The following TBCA variants were observed in gnomAD, a reference collection of about 807,000 sequenced individuals.
The protein encoded by TBCA is tubulin folding cofactor A, also known as tubulin-specific chaperone A.
Under a neutral mutation model 15.8 loss-of-function variants are expected in TBCA, and 6 were observed. The ratio of observed to expected loss-of-function variants is 0.38; its 90% CI spans 0.21 to 0.75. The LOEUF (loss-of-function observed/expected upper bound fraction) is 0.75, where lower values mean the gene tolerates loss of function less well. Among genes scored for constraint, TBCA ranks in the 30% least tolerant of loss-of-function variants. The probability of loss-of-function intolerance (pLI) is 0.46; values close to 1 mark genes in which losing one functional copy is unlikely to be tolerated. For synonymous variants in TBCA, 32 were observed against 42.3 expected (o/e 0.76, Z 0.94); for missense variants, 90 against 131.2 (o/e 0.69, Z 1.53).
intron 2 of TBCA, among the ~76,000 whole-genome samples, chr5:77,700,318 T>C (rs1188855450): frequency 6.6e-6 from 1 of 152,046 alleles, no homozygotes; most frequent in East Asian, 1.9e-4. Context: ...ACAAAGGGCA[T>C]GTGTCTAGTA....
chr5:77,727,272 G>A (rs1746650466), intron 1 of TBCA, among the ~76,000 whole-genome samples: 1 of 150,026 alleles, frequency 6.7e-6, no homozygotes, highest in South Asian at 2.1e-4. Flanking sequence ...GAATAGTGCT[G>A]GAGGAGCCAC....
At chr5:77,765,868 G>T (rs1001044108) in intron 1 of TBCA, among the ~76,000 whole-genome samples, 14 of 107,904 alleles carry the variant, frequency 1.3e-4, no homozygotes, top group Admixed American at 1.1e-3. Context: ...TTGTACAAGT[G>T]AAAAACTAGG....
rs532046849 is a variant in TBCA, at chr5:77,741,565, T to G, written c.54-33218A>C. Among the ~76,000 whole-genome samples, 4 of 151,928 alleles carry G rather than the reference T, an allele frequency of 2.6e-5. No homozygotes were observed. The East Asian group carries it at 7.7e-4, about 29-fold the overall frequency. ...AGAAGTAACAGCAAAAGAAAAAAAA[T>G]AGATTTTTTTAAAAAAGTAATGATT... On this transcript the variant is annotated intron_variant, in intron 1 of 3. Coordinates refer to ENST00000380377, the MANE Select transcript of TBCA (RefSeq NM_004607.3).
intron 1 of TBCA, among the ~76,000 whole-genome samples, chr5:77,717,410 TGAA>T (rs1218759539): frequency 6.6e-6 from 1 of 151,900 alleles, no homozygotes; most frequent in African/African-American, 2.4e-5. Context: ...CAAATAAACA[TGAA>T]GAAAGTAAGA....
At chr5:77,710,683 C>T (rs111372820) in intron 1 of TBCA, among the ~76,000 whole-genome samples, 2 of 152,262 alleles carry the variant, frequency 1.3e-5, no homozygotes, top group African/African-American at 2.4e-5. Flanking sequence ...GCTGTTGTCT[C>T]CTATAGATGG....
intron 1 of TBCA, among the ~76,000 whole-genome samples, chr5:77,717,366 G>A (rs959841825): frequency 1.3e-5 from 2 of 152,112 alleles, no homozygotes; most frequent in Admixed American, 1.3e-4. Context: ...AAATCATTTA[G>A]AAATTGAAGT....
At chr5:77,768,849 C>T (rs1391008634) in intron 1 of TBCA, among the ~76,000 whole-genome samples, 1 of 152,172 alleles carries the variant, frequency 6.6e-6, no homozygotes, top group Non-Finnish European at 1.5e-5. Flanking sequence ...CACATCTAAG[C>T]ATTTACTGTC....
chr5:77,724,806 G>T (rs914289320), intron 1 of TBCA, among the ~76,000 whole-genome samples: 3 of 152,084 alleles, frequency 2.0e-5, no homozygotes, highest in Non-Finnish European at 4.4e-5. Context: ...ATACACTTCA[G>T]GAAACGTGTA....
Position 77,714,627 on chromosome 5 carries a change from C to T in TBCA, c.54-6280G>A, listed in dbSNP as rs1425748275. Among the ~76,000 whole-genome samples the T allele has an allele frequency of 4.7e-5, 7 of 150,390 alleles. No homozygotes were observed. In the East Asian group the frequency reaches 7.9e-4, roughly 17 times the overall value. ...TGTCGCCCAAGCTGGAGTGCAGTGG[C>T]GCAATCTCAGCCTACTGCAAGCTCC... is the stretch of plus-strand genomic sequence containing the variant. On this transcript the variant is annotated intron_variant, in intron 1 of 3. Coordinates refer to ENST00000380377, the MANE Select transcript of TBCA (RefSeq NM_004607.3).
chr5:77,714,650 T>G (rs1361670476), intron 1 of TBCA, among the ~76,000 whole-genome samples: 1 of 151,674 alleles, frequency 6.6e-6, no homozygotes, highest in Non-Finnish European at 1.5e-5. Context: ...TACTGCAAGC[T>G]CCGCCTCCCA....
chr5:77,715,816 C>A (rs1219267189), intron 1 of TBCA, among the ~76,000 whole-genome samples: 2 of 152,114 alleles, frequency 1.3e-5, no homozygotes, highest in Admixed American at 1.3e-4. Context: ...AAAATTATAC[C>A]AACACCTGTG....
At chr5:77,720,760 A>G (rs890766291) in intron 1 of TBCA, among the ~76,000 whole-genome samples, 1 of 152,190 alleles carries the variant, frequency 6.6e-6, no homozygotes, top group Non-Finnish European at 1.5e-5. Flanking sequence ...AGATGCGTTA[A>G]AAGAAGTGGA....
At chr5:77,754,419 T>C (rs1015224912) in intron 1 of TBCA, among the ~76,000 whole-genome samples, 2 of 152,220 alleles carry the variant, frequency 1.3e-5, no homozygotes, top group South Asian at 2.1e-4. Context: ...GTTTTTTAAA[T>C]TGAAAAATAT....
intron 1 of TBCA, among the ~76,000 whole-genome samples, chr5:77,715,982 G>C (rs1467805573): frequency 6.6e-6 from 1 of 152,106 alleles, no homozygotes; most frequent in Non-Finnish European, 1.5e-5. Flanking sequence ...GATTTGTGTT[G>C]TGTGAGGGAT....
intron 1 of TBCA, among the ~76,000 whole-genome samples, chr5:77,761,585 T>C (rs1747641383): frequency 6.6e-6 from 1 of 151,768 alleles, no homozygotes; most frequent in Non-Finnish European, 1.5e-5. Context: ...TATTATCCTA[T>C]GACCCTGCCA....
At chr5:77,705,869 T>G (rs1257511524) in intron 2 of TBCA, among the ~76,000 whole-genome samples, 1 of 151,890 alleles carries the variant, frequency 6.6e-6, no homozygotes, top group African/African-American at 2.4e-5. Context: ...AAAGGGGACA[T>G]ACTATATCTA....
At chr5:77,705,790 C>T (rs1167998190) in intron 2 of TBCA, among the ~76,000 whole-genome samples, 1 of 152,024 alleles carries the variant, frequency 6.6e-6, no homozygotes, top group Admixed American at 6.6e-5. Context: ...AGGATCACAC[C>T]ACCGTACTCC....
At chr5:77,776,175 AG>A in intron 1 of TBCA, 29 bp downstream of exon 1, 1 of 1,552,498 alleles carries the variant, frequency 6.4e-7, no homozygotes, top group Non-Finnish European at 8.7e-7. Context: ...GACGAAGAGG[AG>A]GTGCAGGGCG....
chr5:77,694,293 T>C (rs957768157), intron 2 of TBCA: 2 of 152,232 alleles, frequency 1.3e-5, no homozygotes, highest in Non-Finnish European at 2.9e-5. Context: ...CCCCATGCAA[T>C]GTGAGCCAAA....
Sources: gnomAD v4.1 joint callset for allele counts (sites outside exome capture counted in the v4.1 genomes callset) on GRCh38, gnomAD v4.1.1 for gene constraint, MANE v1.5 for transcripts, NCBI Gene and HGNC (gene_info 2026-07-23, HGNC 2026-07-21) for gene names.